SH3BP5L: variants seen among roughly 807,000 people sequenced by gnomAD.
SH3BP5L encodes SH3 binding domain protein 5 like, also known as SH3 domain-binding protein 5-like.
Under a neutral mutation model 40.9 loss-of-function variants are expected in SH3BP5L, and 16 were observed. That is an observed-to-expected ratio of 0.39 (90% confidence interval 0.27 to 0.59). The LOEUF is 0.59. Ranked by LOEUF, SH3BP5L falls within the 20% of genes least tolerant of loss-of-function variation. The probability of loss-of-function intolerance (pLI) is 0.53; values close to 1 mark genes in which losing one functional copy is unlikely to be tolerated. For missense variants in SH3BP5L, 471 were observed against 544.6 expected, an observed-to-expected ratio of 0.86 and a Z score of 1.35; for synonymous variants, 229 against 226.7, an observed-to-expected ratio of 1.01 and a Z score of -0.09.
Position 248,825,300 on chromosome 1 carries a change from T to G in SH3BP5L, c.-365A>C. Reference sequence around the variant, plus strand: ...AGGGTGGAGGCAGGCGCCTCCAGGCTGTGGTGGCAGCTGGAGAGAGAAGGC... The same window carrying G: ...AGGGTGGAGGCAGGCGCCTCCAGGCGGTGGTGGCAGCTGGAGAGAGAAGGC... On this transcript the variant is annotated 5_prime_UTR_variant, in exon 2 of 7. Transcript: ENST00000366472. 9.8e-7 allele frequency: 1 copy of G among 1,021,260 alleles called. No individual in the cohort carries two copies. Among genetic ancestry groups the G allele is most frequent in the Non-Finnish European group, 1.2e-6 (1 of 852,506 alleles). 63.3% of individuals were successfully genotyped at this position (1,021,260 alleles called of 1,614,324 possible). A position where few individuals can be genotyped will look rare whatever the true frequency, so the allele number is the denominator to read the frequency against.
At position 248,825,155 on chromosome 1, in the gene SH3BP5L, G is replaced by C. The variant is rs1042114658; in HGVS notation, c.-220C>G. ...GAGCTGAAGCCTTGTCTGTGCAAAA[G>C]TTCTTCCCTTCCCGCCACAGGGAGT... On this transcript the variant is annotated 5_prime_UTR_variant, in exon 2 of 7. Transcript: ENST00000366472. 1.5e-6 allele frequency: 2 copies of C among 1,327,848 alleles called. No individual in the cohort carries two copies. The highest frequency in any genetic ancestry group is 1.5e-5 in the African/African-American group (1 of 66,974). The allele number at this position is 1,327,848 out of a possible 1,614,324, so 82.3% of individuals were successfully genotyped here. A position where few individuals can be genotyped will look rare whatever the true frequency, so the allele number is the denominator to read the frequency against.
At position 248,812,753 on chromosome 1, in the gene SH3BP5L, T is replaced by C. The variant is rs1472367654; in HGVS notation, c.711+236A>G. On this transcript the variant is annotated intron_variant, in intron 6 of 6. Coordinates refer to ENST00000366472, the MANE Select transcript of SH3BP5L (RefSeq NM_030645.3). The surrounding 1 kb of genome is among the most constrained non-coding windows in gnomAD (Gnocchi z 6.1). ...TTCCACCAGTTCTTTTCCTCTTGTT[T>C]ACCTCCCTTCTTCCAACTACGTTCT... 1.3e-5 allele frequency among the ~76,000 whole-genome samples: 2 copies of C among 152,154 alleles called. No individual in the cohort carries two copies. The highest frequency in any genetic ancestry group is 2.9e-5 in the Non-Finnish European group (2 of 68,032).
intron 4 of SH3BP5L, among the ~76,000 whole-genome samples, chr1:248,815,419 C>G (rs892972139): frequency 6.6e-6 from 1 of 152,002 alleles, no homozygotes; most frequent in Non-Finnish European, 1.5e-5. Context: ...TACAAGGACA[C>G]GAAATATGAT....
intron 1 of SH3BP5L, 90 bp from the exon 2 acceptor site, chr1:248,825,456 T>C (rs1664356013): frequency 1.1e-6 from 1 of 905,788 alleles, no homozygotes; most frequent in Non-Finnish European, 1.3e-6. Context: ...TCCCAAAAAC[T>C]ACACTCTCAC....
intron 2 of SH3BP5L, chr1:248,817,180 T>A: frequency 1.5e-6 from 1 of 664,298 alleles, no homozygotes; most frequent in Non-Finnish European, 2.4e-6. Context: ...ATGCACAACG[T>A]GAAGTTGTGG....
intron 2 of SH3BP5L, among the ~76,000 whole-genome samples, chr1:248,819,783 G>A (rs1664206054): frequency 1.3e-5 from 2 of 151,528 alleles, no homozygotes; most frequent in South Asian, 2.1e-4. Flanking sequence ...GCATTGGGCC[G>A]TGTTCAAAGC....
chr1:248,822,197 T>C (rs193288012), intron 2 of SH3BP5L, among the ~76,000 whole-genome samples: 151 of 152,310 alleles, frequency 9.9e-4, no homozygotes, highest in African/African-American at 3.6e-3. Flanking sequence ...GCAATGTGCA[T>C]GGTCTAGTGA....
At position 248,813,022 on chromosome 1, in the gene SH3BP5L, A is replaced by C. The variant is rs1663996169; in HGVS notation, c.678T>G (p.Phe226Leu). The C allele has an allele frequency of 1.9e-6, 3 of 1,602,498 alleles. No homozygotes were observed. The highest frequency in any genetic ancestry group is 1.7e-6 in the Non-Finnish European group (2 of 1,172,596). The part of the protein sequence containing the change: ...RRAIGKSRPY[F>L]ELKAQFSQIL... ...TCTGGCTGAACTGGGCCTTGAGCTC[A>C]AAGTAGGGGCGGCTCTTGCCGATGG... The change falls in exon 6 of 7, where the codon TTT becomes TTG. Residue 226 changes from phenylalanine (F) to leucine (L), a missense_variant. This residue lies in a region of SH3BP5L where 275 missense variants were observed against 370.1 expected (regional missense o/e 0.74). Coordinates refer to ENST00000366472, the MANE Select transcript of SH3BP5L (RefSeq NM_030645.3).
At position 248,814,443 on chromosome 1, in the gene SH3BP5L, G is replaced by A; in HGVS notation, c.537+6C>T. On this transcript the variant is annotated splice_donor_region_variant and intron_variant, in intron 5 of 6. Transcript: ENST00000366472. Reference sequence around the variant, plus strand: ...GAAGGGGACCTGCTGGCACCGCCCGGCTCACCTTGCAGGTAGCATGGTTCA... The same window carrying A: ...GAAGGGGACCTGCTGGCACCGCCCGACTCACCTTGCAGGTAGCATGGTTCA... The A allele has an allele frequency of 6.2e-7, 1 of 1,613,754 alleles. No individual in the cohort carries two copies. The highest frequency in any genetic ancestry group is 8.5e-7 in the Non-Finnish European group (1 of 1,179,964).
Position 248,812,256 on chromosome 1 carries a change from G to A in SH3BP5L, c.826C>T (p.Arg276Cys), listed in dbSNP as rs141743810. The A allele has an allele frequency of 5.0e-6, 8 of 1,611,570 alleles. No homozygotes were observed. The highest frequency in any genetic ancestry group is 6.8e-6 in the Non-Finnish European group (8 of 1,179,742). Residue 276 changes from arginine (R) to cysteine (C), a missense_variant, in exon 7 of 7, where the codon CGC (arginine) becomes TGC (cysteine). Arg to Cys is a radical substitution (Grantham distance 180, BLOSUM62 -3). This residue lies in a region of SH3BP5L where 275 missense variants were observed against 370.1 expected (regional missense o/e 0.74). Transcript: ENST00000366472. This position sits in a 1 kb window ranked among gnomAD's most constrained non-coding sequence, Gnocchi z 6.1. ...QISEQIHARR[R>C]GGLPPHPLGP... ...AGGGGGTGGGGAGGCAGACCCCCGC[G>A]GCGCCGTGCGTGAATCTGCTCGCTG...
Position 248,811,907 on chromosome 1 carries a change from C to T in SH3BP5L, c.1175G>A (p.Ser392Asn). Reference sequence around the variant, plus strand: ...GGAACCCTGGCCCCTCGGCTACAGGCTGACGCTGCGCTGGTGCCGACCCCC... The same window carrying T: ...GGAACCCTGGCCCCTCGGCTACAGGTTGACGCTGCGCTGGTGCCGACCCCC... ...ARGGRHQRSV[S>N]L Residue 392 changes from serine (S) to asparagine (N), a missense_variant, in exon 7 of 7, where the codon AGC becomes AAC. By Grantham distance (46) the Ser-to-Asn change is conservative (BLOSUM62 1). Around this residue, in one of 2 missense-constraint regions of SH3BP5L, gnomAD observed 196 missense variants for 174.6 expected, o/e 1.12. Coordinates refer to ENST00000366472, the MANE Select transcript of SH3BP5L (RefSeq NM_030645.3). 6.5e-7 allele frequency: 1 copy of T among 1,527,964 alleles called. No individual in the cohort carries two copies. The highest frequency in any genetic ancestry group is 1.2e-5 in the South Asian group (1 of 82,158). 94.7% of individuals were successfully genotyped at this position (1,527,964 alleles called of 1,614,324 possible).
intron 5 of SH3BP5L, 30 bp downstream of exon 5, chr1:248,814,419 A>C (rs891851214): frequency 1.2e-6 from 2 of 1,612,408 alleles, no homozygotes; most frequent in African/African-American, 2.7e-5. Flanking sequence ...AGAACCAGCG[A>C]AGGGGACCTG....
At chr1:248,819,267 C>A (rs1384105516) in intron 2 of SH3BP5L, among the ~76,000 whole-genome samples, 2 of 152,000 alleles carry the variant, frequency 1.3e-5, no homozygotes, top group African/African-American at 4.8e-5. Context: ...GTAGACCCTG[C>A]CTAAGGAGGG....
In SH3BP5L at chr1:248,811,481, C is replaced by G; in HGVS notation, c.*419G>C. 1 of 172,694 alleles carries G rather than the reference C, an allele frequency of 5.8e-6. No homozygotes were observed. Among genetic ancestry groups the G allele is most frequent in the Non-Finnish European group, 1.2e-5 (1 of 82,088 alleles). The allele number at this position is 172,694 out of a possible 1,614,324, so 10.7% of individuals were successfully genotyped here. A position where few individuals can be genotyped will look rare whatever the true frequency, so the allele number is the denominator to read the frequency against. On this transcript the variant is annotated 3_prime_UTR_variant, in exon 7 of 7. Coordinates refer to ENST00000366472, the MANE Select transcript of SH3BP5L (RefSeq NM_030645.3). Reference sequence around the variant, plus strand: ...CAACGGGAGGGGTGACTGTCCATCCCCTCCGACGGGAGTACTCAGGCCCAG... The same window carrying G: ...CAACGGGAGGGGTGACTGTCCATCCGCTCCGACGGGAGTACTCAGGCCCAG...
chr1:248,823,895 G>A (rs551875090), intron 2 of SH3BP5L, among the ~76,000 whole-genome samples: 4 of 152,324 alleles, frequency 2.6e-5, no homozygotes, highest in Admixed American at 6.5e-5. Flanking sequence ...CATCCTGGTC[G>A]TCACCTGCCC....
rs1663866934 is a variant in SH3BP5L, at chr1:248,810,469, A to T, written c.*1431T>A. On this transcript the variant is annotated 3_prime_UTR_variant, in exon 7 of 7. Coordinates refer to ENST00000366472, the MANE Select transcript of SH3BP5L (RefSeq NM_030645.3). ...TGTTAACTGTTACATAAACTACTTTATTTAAATAAAACCAGGAAAGACCCT... is the reference window on the plus strand; with the variant it reads ...TGTTAACTGTTACATAAACTACTTTTTTTAAATAAAACCAGGAAAGACCCT... 6.6e-6 allele frequency: 1 copy of T among 152,364 alleles called. No homozygotes were observed. Among genetic ancestry groups the T allele is most frequent in the Non-Finnish European group, 1.5e-5 (1 of 68,084 alleles). 9.4% of individuals were successfully genotyped at this position (152,364 alleles called of 1,614,324 possible).
chr1:248,817,107 T>C (rs753178481), intron 2 of SH3BP5L: 2 of 1,459,190 alleles, frequency 1.4e-6, no homozygotes, highest in South Asian at 2.4e-5. Context: ...CTACCTTGTA[T>C]TGGGTAGTAA....
chr1:248,816,560 A>G lies in SH3BP5L; in HGVS notation c.349T>C (p.Tyr117His), dbSNP rs1664111474. The change falls in exon 4 of 7, where the codon TAT (tyrosine) becomes CAT (histidine). Residue 117 changes from tyrosine (Y) to histidine (H), a missense_variant. Transcript: ENST00000366472. ...GSCIEKARPY[Y>H]EARRLAKEAQ... ...TCCTTAGCCAGCCGCCGAGCCTCAT[A>G]GTAGGGCCGGGCTTTCTCGATGCAG... 3 of 1,614,012 alleles carry G rather than the reference A, an allele frequency of 1.9e-6. No individual in the cohort carries two copies.
At position 248,816,660 on chromosome 1, in the gene SH3BP5L, C is replaced by A. The variant is rs373031472; in HGVS notation, c.249G>T (p.Glu83Asp). 3.1e-6 allele frequency: 5 copies of A among 1,614,132 alleles called. No homozygotes were observed. Among genetic ancestry groups the A allele is most frequent in the Non-Finnish European group, 4.2e-6 (5 of 1,180,028 alleles). ...EINQVELQLD[E>D]ARTTYRRILQ... ...GGATCCTCCGATAGGTGGTCCTGGC[C>A]TCCTGGAAAGGAACAAGGCAGAGGA... is the stretch of plus-strand genomic sequence containing the variant. The change falls in exon 4 of 7, where the codon GAG (glutamate) becomes GAT (aspartate). Residue 83 changes from glutamate (E) to aspartate (D), a missense_variant and splice_region_variant. Glu to Asp is a conservative substitution (Grantham distance 45). Coordinates refer to ENST00000366472, the MANE Select transcript of SH3BP5L (RefSeq NM_030645.3).
Sources: allele counts gnomAD v4.1 joint callset (sites outside exome capture counted in the v4.1 genomes callset), GRCh38; gene constraint gnomAD v4.1.1; regional missense constraint gnomAD v4.1.1; non-coding constraint Gnocchi (gnomAD v3.1); transcripts MANE v1.5; gene names NCBI Gene and HGNC (gene_info 2026-07-23, HGNC 2026-07-21).